Variants in USP42 observed in about 807,000 individuals in gnomAD.
USP42 encodes ubiquitin specific peptidase 42.
In USP42, 23 loss-of-function variants were observed where a neutral mutation model predicts 113.0. The ratio of observed to expected loss-of-function variants is 0.20; its 90% confidence interval spans 0.15 to 0.29. USP42 has a LOEUF of 0.29. USP42 is among the 10% of genes least tolerant of loss of function. The probability of loss-of-function intolerance (pLI) is 1.00; values close to 1 mark genes in which losing one functional copy is unlikely to be tolerated. For missense variants in USP42, 2,174 were observed against 1,779.8 expected (o/e 1.22, Z -3.99); for synonymous variants, 933 against 699.0 (o/e 1.33, Z -5.28).
At chr7:6,116,145 C>T (rs1455292674) in intron 3 of USP42, among the ~76,000 whole-genome samples, 1 of 150,350 alleles carries the variant, frequency 6.7e-6, no homozygotes, top group Non-Finnish European at 1.5e-5. Context: ...CAACTTGGGA[C>T]AGGCGAGGTT....
intron 3 of USP42, chr7:6,116,636 T>C (rs558858166): frequency 5.4e-5 from 21 of 386,188 alleles, no homozygotes; most frequent in East Asian, 1.6e-4. Context: ...GATTTTTTTT[T>C]CCCTCCAAAG....
At chr7:6,110,082 C>A (rs1779513808) in intron 1 of USP42, among the ~76,000 whole-genome samples, 2 of 151,770 alleles carry the variant, frequency 1.3e-5, no homozygotes, top group South Asian at 4.2e-4. Context: ...GATCTGCCCA[C>A]CTTGGCCTCC....
Position 6,157,301 on chromosome 7 carries a change from G to A in USP42, c.3943+246G>A, listed in dbSNP as rs1302319560. The stretch of plus-strand genomic sequence containing the variant: ...CAGGACTGAGGGCAGCACTACCTGT[G>A]TCACCAAAGCCCTGGAACGTACAGC... On this transcript the variant is annotated intron_variant, in intron 16 of 17. Coordinates refer to ENST00000306177, the MANE Select transcript of USP42 (RefSeq NM_032172.3). This position sits in a 1 kb window ranked among gnomAD's most constrained non-coding sequence, Gnocchi z 4.1. The A allele has an allele frequency of 1.7e-6, 2 of 1,192,920 alleles. No homozygotes were observed. Among genetic ancestry groups the A allele is most frequent in the East Asian group, 4.1e-5 (1 of 24,172 alleles). 73.9% of individuals were successfully genotyped at this position (1,192,920 alleles called of 1,614,324 possible). A position where few individuals can be genotyped will look rare whatever the true frequency, so the allele number is the denominator to read the frequency against.
intron 6 of USP42, among the ~76,000 whole-genome samples, chr7:6,140,591 AAAAATG>A (rs1314556543): frequency 6.6e-6 from 1 of 152,194 alleles, no homozygotes; most frequent in Non-Finnish European, 1.5e-5. Flanking sequence ...ATGTCTGGGT[AAAAATG>A]TATATGTAGG....
At chr7:6,150,827 G>A (rs1782000783) in intron 14 of USP42, among the ~76,000 whole-genome samples, 2 of 152,198 alleles carry the variant, frequency 1.3e-5, no homozygotes, top group South Asian at 4.1e-4. Context: ...CATGAGAAAT[G>A]ATGATGTGAG....
At chr7:6,129,627 G>A (rs1306321221) in intron 3 of USP42, among the ~76,000 whole-genome samples, 3 of 151,078 alleles carry the variant, frequency 2.0e-5, no homozygotes, top group Non-Finnish European at 2.9e-5. Context: ...TTGGGAGGCC[G>A]AGGCGGGCGG....
chr7:6,092,053 C>CTTCTTT, the USP42 span, among the ~76,000 whole-genome samples: 2 of 41,700 alleles, frequency 4.8e-5, no homozygotes, highest in Non-Finnish European at 1.2e-4. Context: ...TCTTCTTCTT[C>CTTCTTT]TTTCTTCTTC....
Position 6,153,842 on chromosome 7 carries a change from C to G in USP42, c.2288C>G (p.Pro763Arg), listed in dbSNP as rs1782217148. The G allele has an allele frequency of 3.2e-6, 5 of 1,545,778 alleles. No individual in the cohort carries two copies. Among genetic ancestry groups the G allele is most frequent in the Non-Finnish European group, 4.4e-6 (5 of 1,145,548 alleles). Residue 763 changes from proline to arginine, a missense_variant, in exon 15 of 18, where the codon CCA becomes CGA. By Grantham distance (103) the Pro-to-Arg change is moderately radical. Coordinates refer to ENST00000306177, the MANE Select transcript of USP42 (RefSeq NM_032172.3). The stretch of plus-strand genomic sequence containing the variant: ...CCCGCCGCCGAATCCCTGGAGGAGC[C>G]AGATGCGGCCGCCGGCCTCAGCAGC... ...GSPAAESLEE[P>R]DAAAGLSSTK...
chr7:6,088,318 C>T, the USP42 span, among the ~76,000 whole-genome samples: 1 of 150,866 alleles, frequency 6.6e-6, no homozygotes, highest in Admixed American at 6.6e-5. Flanking sequence ...TGCAGTGGTG[C>T]AATCTCGGCT....
At chr7:6,127,629 T>A (rs1040035491) in intron 3 of USP42, among the ~76,000 whole-genome samples, 2 of 152,172 alleles carry the variant, frequency 1.3e-5, no homozygotes, top group African/African-American at 2.4e-5. Flanking sequence ...TCTGTTGTGA[T>A]GATGTATGTG....
chr7:6,140,275 A>C (rs1781365815), intron 6 of USP42, 80 bp downstream of exon 6: 2 of 1,312,880 alleles, frequency 1.5e-6, no homozygotes, highest in African/African-American at 1.5e-5. Context: ...GGTTAGTCCT[A>C]CTAGGAAGGA....
intron 12 of USP42, among the ~76,000 whole-genome samples, chr7:6,148,743 C>A (rs1445411963): frequency 1.3e-5 from 2 of 152,182 alleles, no homozygotes; most frequent in Admixed American, 1.3e-4. Flanking sequence ...TGATCACACA[C>A]ACGGTCTAGC....
chr7:6,089,923 C>T, the USP42 span, among the ~76,000 whole-genome samples: 1 of 150,976 alleles, frequency 6.6e-6, no homozygotes, highest in Admixed American at 6.6e-5. Context: ...GTGGCTTGAA[C>T]CCGGGAGGTG....
rs1389774851 is a variant in USP42 at position 6,139,629 on chromosome 7, A to G, written c.656+435A>G. The stretch of plus-strand genomic sequence containing the variant: ...TCCTTAAAATCTAAATGCAGACTCA[A>G]GAGGAAGAACGAGGGGACAGATAAT... On this transcript the variant is annotated intron_variant, in intron 5 of 17. Transcript: ENST00000306177. This position sits in a 1 kb window ranked among gnomAD's most constrained non-coding sequence, Gnocchi z 4.5. 9.9e-6 allele frequency: 2 copies of G among 201,642 alleles called. No homozygotes were observed. The highest frequency in any genetic ancestry group is 5.5e-5 in the Admixed American group (1 of 18,116). 12.5% of individuals were successfully genotyped at this position (201,642 alleles called of 1,614,324 possible). A position where few individuals can be genotyped will look rare whatever the true frequency, so the allele number is the denominator to read the frequency against.
chr7:6,156,305 G>C (rs571056376), intron 15 of USP42, among the ~76,000 whole-genome samples: 1 of 152,166 alleles, frequency 6.6e-6, no homozygotes, highest in Non-Finnish European at 1.5e-5. Context: ...TACTGGTTTC[G>C]GGAAAAGTTA....
the USP42 span, among the ~76,000 whole-genome samples, chr7:6,099,493 C>G: frequency 1.3e-5 from 2 of 150,114 alleles, no homozygotes; most frequent in African/African-American, 5.0e-5. Context: ...GGATTACAGG[C>G]GTGAGCCACT....
intron 2 of USP42, among the ~76,000 whole-genome samples, chr7:6,113,467 C>G (rs1380325476): frequency 6.6e-6 from 1 of 152,152 alleles, no homozygotes; most frequent in Non-Finnish European, 1.5e-5. Context: ...GCTCTCATCT[C>G]ATTCTCCACA....
chr7:6,094,695 G>A, the USP42 span, among the ~76,000 whole-genome samples: 1 of 151,074 alleles, frequency 6.6e-6, no homozygotes, highest in Non-Finnish European at 1.5e-5. Flanking sequence ...TTAACCCTCT[G>A]AGCATGGCAC....
At position 6,144,280 on chromosome 7, in the gene USP42, C is replaced by T. The variant is rs988252781; in HGVS notation, c.990+84C>T. 15 of 893,094 alleles carry T rather than the reference C, an allele frequency of 1.7e-5. No individual in the cohort carries two copies. The East Asian group carries it at 3.1e-4, about 18-fold the overall frequency. The allele number at this position is 893,094 out of a possible 1,614,324, so 55.3% of individuals were successfully genotyped here. A position where few individuals can be genotyped will look rare whatever the true frequency, so the allele number is the denominator to read the frequency against. ...CTGTAGCTATTAAGGATTAAGGACT[C>T]GACTTTCTCATGACAAAATTGCTAA... On this transcript the variant is annotated intron_variant, in intron 9 of 17. Transcript: ENST00000306177.
Sources: gnomAD v4.1 joint callset for allele counts (sites outside exome capture counted in the v4.1 genomes callset) on GRCh38, gnomAD v4.1.1 for gene constraint, Gnocchi (gnomAD v3.1) non-coding constraint, MANE v1.5 for transcripts, NCBI Gene and HGNC (gene_info 2026-07-23, HGNC 2026-07-21) for gene names.